Variants in UTRN observed in about 807,000 individuals in gnomAD.
UTRN encodes utrophin, also known as dystrophin-related protein 1.
Under a neutral mutation model 463.9 loss-of-function variants are expected in UTRN, and 283 were observed. The ratio of observed to expected loss-of-function variants is 0.61; its 90% confidence interval spans 0.55 to 0.67. The LOEUF (loss-of-function observed/expected upper bound fraction) is 0.67. Ranked by LOEUF, UTRN falls within the 30% of genes least tolerant of loss-of-function variation. UTRN has a pLI of 0.00. For missense variants in UTRN, 3,922 were observed against 4,084.3 expected (o/e 0.96, Z 1.08); for synonymous variants, 1,442 against 1,431.5 (o/e 1.01, Z -0.17).
intron 51 of UTRN, among the ~76,000 whole-genome samples, chr6:144,651,118 T>C (rs915098948): frequency 7.2e-5 from 11 of 152,090 alleles, no homozygotes; most frequent in East Asian, 1.9e-4. Flanking sequence ...ATCACGGTTT[T>C]TGCTGTTAAA....
intron 53 of UTRN, among the ~76,000 whole-genome samples, chr6:144,726,892 G>A (rs1787935878): frequency 6.6e-6 from 1 of 152,130 alleles, no homozygotes; most frequent in Non-Finnish European, 1.5e-5. Flanking sequence ...TTGATAGGTT[G>A]GTTTTCCAAA....
intron 63 of UTRN, among the ~76,000 whole-genome samples, chr6:144,794,536 A>T (rs1281642735): frequency 6.6e-6 from 1 of 152,002 alleles, no homozygotes; most frequent in East Asian, 1.9e-4. Flanking sequence ...TCCTTCTCAT[A>T]CTCAGTGCAA....
intron 2 of UTRN, among the ~76,000 whole-genome samples, chr6:144,398,908 ACT>A (rs1782694125): frequency 6.6e-6 from 1 of 152,116 alleles, no homozygotes; most frequent in Admixed American, 6.5e-5. Flanking sequence ...GTGAAGTGAA[ACT>A]CTGTTTTAAA....
At chr6:144,494,610 C>G (rs146235133) in intron 33 of UTRN, among the ~76,000 whole-genome samples, 2 of 152,140 alleles carry the variant, frequency 1.3e-5, no homozygotes, top group Admixed American at 6.5e-5. Flanking sequence ...TTGGTAGAGA[C>G]GAGTGGTCTG....
intron 58 of UTRN, among the ~76,000 whole-genome samples, chr6:144,771,291 A>T (rs539932421): frequency 6.6e-6 from 1 of 152,286 alleles, no homozygotes; most frequent in African/African-American, 2.4e-5. Context: ...AAAAATTTTT[A>T]TAAAAAACTT....
chr6:144,515,788 C>T (rs562888880), intron 37 of UTRN, among the ~76,000 whole-genome samples: 5 of 152,260 alleles, frequency 3.3e-5, no homozygotes, highest in South Asian at 4.1e-4. Flanking sequence ...ACTTCTTTGA[C>T]GTTTGTGTAT....
chr6:144,395,540 A>G (rs1782331722), intron 2 of UTRN, among the ~76,000 whole-genome samples: 2 of 152,054 alleles, frequency 1.3e-5, no homozygotes, highest in South Asian at 2.1e-4. Context: ...ATTATCTCCT[A>G]TATTCCTATG....
chr6:144,510,118 T>G (rs1331198201), intron 34 of UTRN, among the ~76,000 whole-genome samples: 1 of 152,218 alleles, frequency 6.6e-6, no homozygotes, highest in African/African-American at 2.4e-5. Context: ...TGTAGAAATA[T>G]AAACTTGAGC....
chr6:144,550,933 A>C, intron 47 of UTRN, 32 bp from the exon 48 acceptor site: 10 of 1,546,678 alleles, frequency 6.5e-6, no homozygotes, highest in Non-Finnish European at 7.9e-6. Flanking sequence ...ATGGCTTATT[A>C]ACCTATCCGA....
intron 51 of UTRN, among the ~76,000 whole-genome samples, chr6:144,582,425 C>T (rs151247025): frequency 2.2e-3 from 338 of 152,186 alleles, no homozygotes; most frequent in African/African-American, 7.9e-3. Context: ...TTGATATTTG[C>T]AATGATGTTC....
intron 34 of UTRN, among the ~76,000 whole-genome samples, chr6:144,501,716 C>A (rs1225477076): frequency 1.3e-5 from 2 of 151,756 alleles, no homozygotes; most frequent in Admixed American, 1.3e-4. Flanking sequence ...TATATTAAAC[C>A]ATATCATACA....
At chr6:144,634,169 G>A (rs563647054) in intron 51 of UTRN, among the ~76,000 whole-genome samples, 4 of 152,218 alleles carry the variant, frequency 2.6e-5, no homozygotes, top group African/African-American at 4.8e-5. Flanking sequence ...TGCTGCCTTC[G>A]CAGTGATCAA....
chr6:144,575,075 C>A (rs1001446273), intron 50 of UTRN, among the ~76,000 whole-genome samples: 1 of 152,052 alleles, frequency 6.6e-6, no homozygotes, highest in South Asian at 2.1e-4. Context: ...TTCTTAAAGC[C>A]GTTTTAACAT....
intron 2 of UTRN, among the ~76,000 whole-genome samples, chr6:144,356,388 C>T (rs148045066): frequency 1.4e-4 from 22 of 152,200 alleles, no homozygotes; most frequent in African/African-American, 4.3e-4. Context: ...CCAGATATTG[C>T]CAGATGTCTC....
intron 2 of UTRN, among the ~76,000 whole-genome samples, chr6:144,362,249 TGAGG>T (rs1779144885): frequency 6.6e-6 from 1 of 152,178 alleles, no homozygotes; most frequent in Non-Finnish European, 1.5e-5. Context: ...AGGAGCCAAC[TGAGG>T]GAGGATAGGT....
At chr6:144,599,709 A>G (rs908357786) in intron 51 of UTRN, among the ~76,000 whole-genome samples, 7 of 152,220 alleles carry the variant, frequency 4.6e-5, no homozygotes, top group Non-Finnish European at 1.0e-4. Flanking sequence ...GAAGAAGAAA[A>G]TAAAACTTAC....
At chr6:144,753,058 A>G (rs1174795460) in intron 56 of UTRN, among the ~76,000 whole-genome samples, 2 of 152,190 alleles carry the variant, frequency 1.3e-5, no homozygotes, top group Non-Finnish European at 2.9e-5. Flanking sequence ...TAATGAACAA[A>G]GTGCATACTA....
intron 51 of UTRN, among the ~76,000 whole-genome samples, chr6:144,641,920 T>A (rs1404864739): frequency 2.0e-5 from 3 of 152,232 alleles, no homozygotes; most frequent in Non-Finnish European, 4.4e-5. Flanking sequence ...AGTGTTTACA[T>A]GAATATGAAA....
intron 2 of UTRN, among the ~76,000 whole-genome samples, chr6:144,319,024 G>C (rs1466157041): frequency 1.3e-5 from 2 of 152,136 alleles, no homozygotes; most frequent in African/African-American, 4.8e-5. Flanking sequence ...AACTATGGTG[G>C]TACCACTGCA....
Sources: allele counts gnomAD v4.1 joint callset (sites outside exome capture counted in the v4.1 genomes callset), GRCh38; gene constraint gnomAD v4.1.1; transcripts MANE v1.5; gene names NCBI Gene and HGNC (gene_info 2026-07-23, HGNC 2026-07-21).